Variants in PARVB observed in about 807,000 individuals in gnomAD.
PARVB encodes the protein beta-parvin.
PARVB carries 46 observed loss-of-function variants against 47.0 expected under a neutral mutation model. That is an observed-to-expected ratio of 0.98 (90% confidence interval 0.77 to 1.25). PARVB has a LOEUF of 1.25. PARVB is among the 50% of genes most tolerant of loss of function. The pLI is 0.00. For missense variants in PARVB, 473 were observed against 471.6 expected, an observed-to-expected ratio of 1.00 and a Z score of -0.03; for synonymous variants, 196 against 196.3, an observed-to-expected ratio of 1.00 and a Z score of 0.01.
At chr22:44,050,373 C>T (rs968999538) in intron 1 of PARVB, among the ~76,000 whole-genome samples, 16 of 148,512 alleles carry the variant, frequency 1.1e-4, no homozygotes, top group East Asian at 5.8e-4. Flanking sequence ...GACTGAGTTT[C>T]GCTCTTGTTG....
chr22:44,120,436 A>C (rs6006660), intron 4 of PARVB, among the ~76,000 whole-genome samples: 201 of 152,180 alleles, frequency 1.3e-3, no homozygotes, highest in African/African-American at 4.7e-3. Context: ...TGTCTTGTAG[A>C]ATATCCTCCC....
chr22:44,147,992 G>C, intron 9 of PARVB, 70 bp downstream of exon 9: 2 of 1,169,480 alleles, frequency 1.7e-6, no homozygotes, highest in African/African-American at 1.5e-5. Context: ...CAAACGCCCC[G>C]CTGGGAAGAA....
chr22:44,095,898 G>A (rs2052293502), intron 2 of PARVB, among the ~76,000 whole-genome samples: 1 of 152,178 alleles, frequency 6.6e-6, no homozygotes, highest in South Asian at 2.1e-4. Flanking sequence ...GTCGCACCAG[G>A]GTCCACGGGG....
intron 1 of PARVB, among the ~76,000 whole-genome samples, chr22:44,064,466 G>A (rs934563030): frequency 6.6e-6 from 1 of 152,134 alleles, no homozygotes; most frequent in East Asian, 1.9e-4. Context: ...GATGCTTCAC[G>A]TCCTTGGAGG....
intron 1 of PARVB, among the ~76,000 whole-genome samples, chr22:44,093,542 G>A (rs1246667619): frequency 6.6e-6 from 1 of 152,170 alleles, no homozygotes; most frequent in Non-Finnish European, 1.5e-5. Flanking sequence ...GCAGCCCCCC[G>A]GCAGAGGGAA....
At chr22:44,035,396 A>T in intron 1 of PARVB, among the ~76,000 whole-genome samples, 1 of 120,870 alleles carries the variant, frequency 8.3e-6, no homozygotes, top group African/African-American at 3.3e-5. Context: ...TTTGAGACGG[A>T]GTCTCGCTCT....
At chr22:44,046,495 A>G (rs1456131139) in intron 1 of PARVB, among the ~76,000 whole-genome samples, 1 of 152,250 alleles carries the variant, frequency 6.6e-6, no homozygotes, top group East Asian at 1.9e-4. Flanking sequence ...GGAGTGGGAA[A>G]GAGCCCATGG....
chr22:44,087,851 T>C (rs1184673653), intron 1 of PARVB, among the ~76,000 whole-genome samples: 1 of 150,858 alleles, frequency 6.6e-6, no homozygotes, highest in Non-Finnish European at 1.5e-5. Context: ...ATGGTGTTTT[T>C]TTTTTTTTTT....
chr22:44,141,198 C>T (rs534824241), intron 8 of PARVB: 2 of 153,172 alleles, frequency 1.3e-5, no homozygotes, highest in South Asian at 4.1e-4. Context: ...TTATGGGGAC[C>T]AGCTAGGATG....
intron 10 of PARVB, among the ~76,000 whole-genome samples, chr22:44,156,635 C>G (rs577893025): frequency 6.6e-6 from 1 of 152,180 alleles, no homozygotes; most frequent in African/African-American, 2.4e-5. Context: ...ATTGTTTGTA[C>G]AATAACGTGA....
chr22:44,125,559 G>A lies in PARVB; in HGVS notation c.377-5928G>A, dbSNP rs569603573. On this transcript the variant is annotated intron_variant, in intron 4 of 12. Transcript: ENST00000338758. This position sits in a 1 kb window ranked among gnomAD's most constrained non-coding sequence, Gnocchi z 4.1. ...TCTGCACAGTGAGCTTGGGAAGGGC[G>A]TTCTGGGCTGAGGCTCTAAAGCGAG... Among the ~76,000 whole-genome samples, 44 of 152,286 alleles carry A rather than the reference G, an allele frequency of 2.9e-4. No individual in the cohort carries two copies. In the South Asian group the frequency reaches 4.3e-3, roughly 15 times the overall value.
chr22:44,105,851 T>TACTCTATC (rs2052554597), intron 3 of PARVB: 1 of 152,300 alleles, frequency 6.6e-6, no homozygotes, highest in South Asian at 2.1e-4. Context: ...GATAGGGTCT[T>TACTCTATC]ACTCTATCAC....
upstream of PARVB, among the ~76,000 whole-genome samples, chr22:44,020,144 G>A (rs56210647): frequency 9.4e-3 from 1,436 of 151,958 alleles, 24 homozygotes; most frequent in African/African-American, 0.033. Flanking sequence ...GATCCCACAG[G>A]GTGAGGGCTC....
intron 11 of PARVB, 62 bp downstream of exon 11, chr22:44,158,145 TAGACTA>T: frequency 8.8e-7 from 1 of 1,139,418 alleles, no homozygotes; most frequent in South Asian, 1.3e-5. Flanking sequence ...ATGCAGAGCA[TAGACTA>T]TCCCGGCAGC....
chr22:44,035,098 C>A (rs1202205454), intron 1 of PARVB, among the ~76,000 whole-genome samples: 1 of 152,114 alleles, frequency 6.6e-6, no homozygotes, highest in Non-Finnish European at 1.5e-5. Flanking sequence ...AAACAATTAA[C>A]AATATTTTGT....
chr22:44,048,546 A>G (rs1228939657), intron 1 of PARVB, among the ~76,000 whole-genome samples: 1 of 151,166 alleles, frequency 6.6e-6, no homozygotes, highest in African/African-American at 2.4e-5. Flanking sequence ...TAATTTTTAT[A>G]TTTTTTAATT....
intron 4 of PARVB, among the ~76,000 whole-genome samples, chr22:44,128,184 C>T (rs1302296641): frequency 2.6e-5 from 4 of 152,196 alleles, no homozygotes; most frequent in African/African-American, 9.6e-5. Context: ...CAGTGCAGCC[C>T]TCAAGGTAGA....
intron 10 of PARVB, chr22:44,152,490 C>T (rs1318298202): frequency 6.6e-6 from 1 of 152,186 alleles, no homozygotes; most frequent in African/African-American, 2.4e-5. Flanking sequence ...CTCCAGGGCT[C>T]CACCCCAGCC....
At chr22:44,009,136 A>G (rs924089982) in intron 2 of PARVB, among the ~76,000 whole-genome samples, 4 of 152,232 alleles carry the variant, frequency 2.6e-5, no homozygotes, top group Non-Finnish European at 5.9e-5. Context: ...GTCTTAAGAT[A>G]ATTTAGCACA....
Sources: allele counts gnomAD v4.1 joint callset (sites outside exome capture counted in the v4.1 genomes callset), GRCh38; gene constraint gnomAD v4.1.1; non-coding constraint Gnocchi (gnomAD v3.1); transcripts MANE v1.5; gene names NCBI Gene and HGNC (gene_info 2026-07-23, HGNC 2026-07-21).